CNBD1: variants seen among roughly 807,000 people sequenced by gnomAD.
CNBD1 encodes the protein cyclic nucleotide-binding domain-containing protein 1.
In CNBD1, 71 loss-of-function variants were observed where a neutral mutation model predicts 54.4. That is an observed-to-expected ratio of 1.30 (90% CI 1.08 to 1.59). The LOEUF (loss-of-function observed/expected upper bound fraction) is 1.59, where lower values mean the gene tolerates loss of function less well. Among genes scored for constraint, CNBD1 ranks in the 40% most tolerant of loss-of-function variants. The pLI is 0.00. For missense variants in CNBD1, 659 were observed against 518.0 expected, an observed-to-expected ratio of 1.27 and a Z score of -2.64; for synonymous variants, 182 against 170.7, an observed-to-expected ratio of 1.07 and a Z score of -0.51.
intron 2 of CNBD1, among the ~76,000 whole-genome samples, chr8:86,893,114 A>G (rs1446608490): frequency 1.3e-5 from 2 of 152,190 alleles, no homozygotes; most frequent in East Asian, 3.9e-4. Context: ...CTCTCAATCC[A>G]GAACAGCCCT....
intron 8 of CNBD1, among the ~76,000 whole-genome samples, chr8:87,321,533 AG>A (rs768909765): frequency 5.3e-5 from 8 of 152,032 alleles, no homozygotes; most frequent in Non-Finnish European, 8.8e-5. Flanking sequence ...CATTTTTTAA[AG>A]GGTTTTTTGA....
chr8:87,106,735 T>A (rs1443465426), intron 4 of CNBD1, among the ~76,000 whole-genome samples: 1 of 152,152 alleles, frequency 6.6e-6, no homozygotes, highest in East Asian at 1.9e-4. Context: ...CACTGGATGT[T>A]CTCCTGGTTT....
intron 5 of CNBD1, among the ~76,000 whole-genome samples, chr8:87,220,293 C>T (rs967826071): frequency 9.2e-5 from 14 of 151,870 alleles, no homozygotes; most frequent in Admixed American, 6.6e-5. Flanking sequence ...TTGCAATGTT[C>T]GTAGTTTGCC....
chr8:86,955,141 C>T lies in CNBD1; in HGVS notation c.431+15387C>T, dbSNP rs534494127. On this transcript the variant is annotated intron_variant, in intron 4 of 10. Transcript: ENST00000518476. ...GAATGATGGTTTCCAGCTTCATCCA[C>T]GTCCCTACAAAGGACATGAACTCAT... Among the ~76,000 whole-genome samples, 138 of 152,134 alleles carry T rather than the reference C, an allele frequency of 9.1e-4. 1 individual carries two copies. The highest frequency in any genetic ancestry group is 1.5e-3 in the Non-Finnish European group (99 of 68,010).
At chr8:86,946,168 A>G (rs1479233774) in intron 4 of CNBD1, among the ~76,000 whole-genome samples, 1 of 152,224 alleles carries the variant, frequency 6.6e-6, no homozygotes, top group Non-Finnish European at 1.5e-5. Context: ...TTCTTGCTAT[A>G]GTTGAATTAT....
At chr8:87,358,172 G>T (rs996452513) in intron 10 of CNBD1, among the ~76,000 whole-genome samples, 2 of 152,090 alleles carry the variant, frequency 1.3e-5, no homozygotes, top group Admixed American at 6.6e-5. Context: ...AGATTACCCA[G>T]CCTTGGGTAT....
At chr8:87,080,477 T>C (rs1810967950) in intron 4 of CNBD1, among the ~76,000 whole-genome samples, 2 of 151,416 alleles carry the variant, frequency 1.3e-5, no homozygotes, top group Non-Finnish European at 2.9e-5. Context: ...AGCTGAGGGA[T>C]AGCGAATCAC....
rs922094248 is a variant in CNBD1 at position 87,324,429 on chromosome 8, G to A, written c.1043-27256G>A. 3.7e-4 allele frequency among the ~76,000 whole-genome samples: 52 copies of A among 139,422 alleles called. 1 individual carries two copies. Among genetic ancestry groups the A allele is most frequent in the African/African-American group, 1.4e-3 (52 of 37,928 alleles). The allele number at this position is 139,422 out of a possible 152,430, so 91.5% of individuals were successfully genotyped here. A position where few individuals can be genotyped will look rare whatever the true frequency, so the allele number is the denominator to read the frequency against. On this transcript the variant is annotated intron_variant, in intron 8 of 10. Coordinates refer to ENST00000518476, the MANE Select transcript of CNBD1 (RefSeq NM_173538.3). Reference sequence around the variant, plus strand: ...TAGAATTCGGCTGTGAATCCATCTGGTCCTGGGCTCTTTTTGGTTGGTAAA... The same window carrying A: ...TAGAATTCGGCTGTGAATCCATCTGATCCTGGGCTCTTTTTGGTTGGTAAA...
At chr8:87,319,713 A>G (rs1312996240) in intron 8 of CNBD1, among the ~76,000 whole-genome samples, 5 of 152,076 alleles carry the variant, frequency 3.3e-5, no homozygotes, top group Non-Finnish European at 5.9e-5. Context: ...TCTTTAACAT[A>G]TATTGATTGA....
intron 8 of CNBD1, among the ~76,000 whole-genome samples, chr8:87,338,340 T>G (rs1340077640): frequency 2.0e-5 from 3 of 152,200 alleles, no homozygotes; most frequent in Admixed American, 2.0e-4. Context: ...ATATTTCTTT[T>G]AATATTTCTT....
At chr8:87,352,561 A>G (rs1273514277) in intron 9 of CNBD1, among the ~76,000 whole-genome samples, 2 of 152,132 alleles carry the variant, frequency 1.3e-5, no homozygotes, top group African/African-American at 4.8e-5. Flanking sequence ...AGTTGAATGA[A>G]TAGAAATGTT....
chr8:86,898,405 G>T (rs947230362), intron 2 of CNBD1, among the ~76,000 whole-genome samples: 1 of 152,018 alleles, frequency 6.6e-6, no homozygotes, highest in Non-Finnish European at 1.5e-5. Context: ...AAAAAGAAAT[G>T]AATACTCAGA....
chr8:87,386,764 A>G (rs1390526913), downstream of CNBD1, among the ~76,000 whole-genome samples: 2 of 152,172 alleles, frequency 1.3e-5, no homozygotes, highest in Admixed American at 6.5e-5. Flanking sequence ...GAACGCCACA[A>G]AGATACTCCT....
At chr8:87,068,519 TG>T (rs1810700303) in intron 4 of CNBD1, among the ~76,000 whole-genome samples, 1 of 152,010 alleles carries the variant, frequency 6.6e-6, no homozygotes, top group Non-Finnish European at 1.5e-5. Context: ...TCAGTGTGTA[TG>T]TGTTTAGGCC....
At position 87,036,620 on chromosome 8, in the gene CNBD1, G is replaced by T. The variant is rs74484594; in HGVS notation, c.431+96866G>T. Among the ~76,000 whole-genome samples the T allele has an allele frequency of 3.7e-4, 37 of 98,888 alleles. 1 individual carries two copies. In the South Asian group the frequency reaches 4.7e-3, roughly 12 times the overall value. The allele number at this position is 98,888 out of a possible 152,430, so 64.9% of individuals were successfully genotyped here. On this transcript the variant is annotated intron_variant, in intron 4 of 10. Transcript: ENST00000518476. ...AAAAAAAAAAAAAAAAAAAAAAAAA[G>T]ATTGGTCACAGGTGTTCCGTATAGT...
At chr8:87,341,457 G>C (rs1810062250) in intron 8 of CNBD1, among the ~76,000 whole-genome samples, 1 of 152,084 alleles carries the variant, frequency 6.6e-6, no homozygotes, top group African/African-American at 2.4e-5. Context: ...CTGTGCTGGG[G>C]GTAGAAACAC....
intron 8 of CNBD1, among the ~76,000 whole-genome samples, chr8:87,304,552 G>C (rs947193748): frequency 6.6e-6 from 1 of 151,806 alleles, no homozygotes; most frequent in Non-Finnish European, 1.5e-5. Flanking sequence ...TGAGTTAATG[G>C]GTGCAGCACA....
intron 4 of CNBD1, among the ~76,000 whole-genome samples, chr8:87,050,186 G>A (rs373217992): frequency 1.0e-3 from 157 of 152,260 alleles, no homozygotes; most frequent in African/African-American, 3.6e-3. Flanking sequence ...TCCACAATCT[G>A]CAAAGGCCTG....
At chr8:87,324,617 G>A (rs1327802289) in intron 8 of CNBD1, among the ~76,000 whole-genome samples, 1 of 150,332 alleles carries the variant, frequency 6.7e-6, no homozygotes, top group Non-Finnish European at 1.5e-5. Context: ...TTCTCTGATG[G>A]TAGTTTGTAT....
Sources: gnomAD v4.1 joint callset for allele counts (sites outside exome capture counted in the v4.1 genomes callset) on GRCh38, gnomAD v4.1.1 for gene constraint, MANE v1.5 for transcripts, NCBI Gene and HGNC (gene_info 2026-07-23, HGNC 2026-07-21) for gene names.